Variants in ATF3 observed in about 807,000 individuals in gnomAD.
ATF3 encodes the protein activating transcription factor 3.
Under a neutral mutation model 18.4 loss-of-function variants are expected in ATF3, and 10 were observed. That is an observed-to-expected ratio of 0.54 (90% CI 0.34 to 0.92). The LOEUF (loss-of-function observed/expected upper bound fraction) is 0.92. Among genes scored for constraint, ATF3 ranks in the 40% least tolerant of loss-of-function variants. ATF3 has a pLI of 0.02. For synonymous variants in ATF3, 78 were observed against 87.9 expected (o/e 0.89, Z 0.63); for missense variants, 183 against 222.3 (o/e 0.82, Z 1.12).
upstream of ATF3, chr1:212,608,483 A>C (rs1389980097): frequency 2.0e-5 from 3 of 152,702 alleles, no homozygotes; most frequent in East Asian, 5.8e-4. Context: ...CCTGATATGG[A>C]GAGAGAGGGC....
intron 1 of ATF3, among the ~76,000 whole-genome samples, chr1:212,581,200 T>G (rs1312774765): frequency 1.3e-5 from 2 of 152,230 alleles, no homozygotes; most frequent in African/African-American, 2.4e-5. Context: ...AGTAACACAG[T>G]GCTGCCTAAG....
chr1:212,573,621 G>A (rs1664521712), intron 1 of ATF3, among the ~76,000 whole-genome samples: 1 of 151,898 alleles, frequency 6.6e-6, no homozygotes, highest in African/African-American at 2.4e-5. Flanking sequence ...ATTTGTCAAT[G>A]TTTGAAATTA....
intron 1 of ATF3, among the ~76,000 whole-genome samples, chr1:212,601,929 G>A (rs960208342): frequency 3.3e-5 from 5 of 152,044 alleles, no homozygotes; most frequent in African/African-American, 1.2e-4. Context: ...TTAATTTTGG[G>A]GGGTATATAG....
At chr1:212,584,792 C>G (rs986962341) in intron 1 of ATF3, among the ~76,000 whole-genome samples, 1 of 152,240 alleles carries the variant, frequency 6.6e-6, no homozygotes, top group African/African-American at 2.4e-5. Flanking sequence ...CTTTCCCCTT[C>G]CTGCCTAACA....
chr1:212,574,392 A>C (rs1664535559), intron 1 of ATF3, among the ~76,000 whole-genome samples: 1 of 152,038 alleles, frequency 6.6e-6, no homozygotes, highest in African/African-American at 2.4e-5. Flanking sequence ...CTGTGATCAA[A>C]TAATCAAGCT....
intron 1 of ATF3, among the ~76,000 whole-genome samples, chr1:212,576,880 A>G (rs1470136425): frequency 6.7e-6 from 1 of 150,368 alleles, no homozygotes; most frequent in African/African-American, 2.5e-5. Context: ...GGCACGTGCC[A>G]TCACACCCGG....
intron 1 of ATF3, among the ~76,000 whole-genome samples, chr1:212,590,572 C>T (rs1031864835): frequency 6.6e-6 from 1 of 152,030 alleles, no homozygotes; most frequent in African/African-American, 2.4e-5. Context: ...ATAAACACTT[C>T]CTTATAATCT....
intron 1 of ATF3, among the ~76,000 whole-genome samples, chr1:212,592,383 T>A (rs1664904020): frequency 6.6e-6 from 1 of 152,120 alleles, no homozygotes; most frequent in Non-Finnish European, 1.5e-5. Flanking sequence ...AATTTTCTAA[T>A]ATCATCGAAT....
At chr1:212,598,397 C>A (rs1458010001) in intron 1 of ATF3, among the ~76,000 whole-genome samples, 4 of 152,128 alleles carry the variant, frequency 2.6e-5, no homozygotes, top group African/African-American at 9.7e-5. Context: ...TACAGGCATG[C>A]AAGATGGAAT....
chr1:212,592,357 T>C (rs1464335243), intron 1 of ATF3, among the ~76,000 whole-genome samples: 2 of 152,070 alleles, frequency 1.3e-5, no homozygotes, highest in African/African-American at 4.8e-5. Flanking sequence ...ACAACATATC[T>C]AAAAAATTTA....
chr1:212,577,273 C>T (rs952841542), intron 1 of ATF3, among the ~76,000 whole-genome samples: 1 of 152,088 alleles, frequency 6.6e-6, no homozygotes, highest in South Asian at 2.1e-4. Context: ...ATCTCTTTAA[C>T]CTTTTTTTAA....
At chr1:212,605,494 A>T (rs558775167), upstream of ATF3, among the ~76,000 whole-genome samples, 1 of 152,244 alleles carries the variant, frequency 6.6e-6, no homozygotes, top group Admixed American at 6.5e-5. Flanking sequence ...GGCAGATCTT[A>T]TCTTGTGTTT....
At chr1:212,567,332 A>C (rs2102617501) in intron 1 of ATF3, among the ~76,000 whole-genome samples, 1 of 152,270 alleles carries the variant, frequency 6.6e-6, no homozygotes, top group Non-Finnish European at 1.5e-5. Flanking sequence ...TGTTAGAGAG[A>C]GTGTTTACAC....
At position 212,620,703 on chromosome 1, in the gene ATF3, G is replaced by T. The variant is rs1655353324; in HGVS notation, c.*1148G>T. 6.6e-6 allele frequency: 1 copy of T among 152,546 alleles called. No individual in the cohort carries two copies. Among genetic ancestry groups the T allele is most frequent in the South Asian group, 2.1e-4 (1 of 4,838 alleles). The allele number at this position is 152,546 out of a possible 1,614,324, so 9.4% of individuals were successfully genotyped here. A position where few individuals can be genotyped will look rare whatever the true frequency, so the allele number is the denominator to read the frequency against. ...GGTATCATTACAATTTTCTGTAAGA[G>T]AAAATATTACTTATTTATCCTAGTA... On this transcript the variant is annotated 3_prime_UTR_variant, in exon 4 of 4. Transcript: ENST00000341491.
intron 1 of ATF3, among the ~76,000 whole-genome samples, chr1:212,578,492 C>T (rs1664622774): frequency 6.6e-6 from 1 of 152,160 alleles, no homozygotes; most frequent in African/African-American, 2.4e-5. Context: ...CACCATTTTC[C>T]ACTTCACTAA....
At chr1:212,606,642 TTC>T (rs1324185367), upstream of ATF3, among the ~76,000 whole-genome samples, 4 of 152,212 alleles carry the variant, frequency 2.6e-5, no homozygotes, top group Non-Finnish European at 4.4e-5. Flanking sequence ...TGGTCAAAAT[TTC>T]TGTTTCACAG....
chr1:212,598,928 T>A (rs1157899677), intron 1 of ATF3, among the ~76,000 whole-genome samples: 1 of 152,174 alleles, frequency 6.6e-6, no homozygotes, highest in Non-Finnish European at 1.5e-5. Flanking sequence ...AACATGGGAG[T>A]GCAGATATCT....
Position 212,618,579 on chromosome 1 carries a change from G to C in ATF3, c.348+345G>C. ...ACTGTTTTCCTGAGAAAAGGAAGCT[G>C]CCAGCTCTCATTTGGCTCACTATGA... On this transcript the variant is annotated intron_variant, in intron 3 of 3. Coordinates refer to ENST00000341491, the MANE Select transcript of ATF3 (RefSeq NM_001674.4). This position sits in a 1 kb window ranked among gnomAD's most constrained non-coding sequence, Gnocchi z 4.4. The C allele has an allele frequency of 2.5e-6, 1 of 404,464 alleles. No homozygotes were observed. The highest frequency in any genetic ancestry group is 4.6e-6 in the Non-Finnish European group (1 of 218,810). The allele number at this position is 404,464 out of a possible 1,614,324, so 25.1% of individuals were successfully genotyped here. A position where few individuals can be genotyped will look rare whatever the true frequency, so the allele number is the denominator to read the frequency against.
intron 1 of ATF3, among the ~76,000 whole-genome samples, chr1:212,567,488 G>C: frequency 6.6e-6 from 1 of 152,130 alleles, no homozygotes; most frequent in East Asian, 1.9e-4. Flanking sequence ...ATGAAAGGCA[G>C]GTGAACTTAA....
Sources: gnomAD v4.1 joint callset for allele counts (sites outside exome capture counted in the v4.1 genomes callset) on GRCh38, gnomAD v4.1.1 for gene constraint, Gnocchi (gnomAD v3.1) non-coding constraint, MANE v1.5 for transcripts, NCBI Gene and HGNC (gene_info 2026-07-23, HGNC 2026-07-21) for gene names.